Variants in ATG4C observed in about 807,000 individuals in gnomAD.
ATG4C encodes the protein autophagy related 4C cysteine peptidase.
In ATG4C, 56 loss-of-function variants were observed where a neutral mutation model predicts 57.6. The ratio of observed to expected loss-of-function variants is 0.97; its 90% CI spans 0.78 to 1.21. The LOEUF (loss-of-function observed/expected upper bound fraction) is 1.21, where lower values mean the gene tolerates loss of function less well. Among genes scored for constraint, ATG4C ranks in the 50% most tolerant of loss-of-function variants. The pLI is 0.00. For synonymous variants in ATG4C, 157 were observed against 174.1 expected, an observed-to-expected ratio of 0.90 and a Z score of 0.78; for missense variants, 595 against 529.8, an observed-to-expected ratio of 1.12 and a Z score of -1.21.
chr1:62,802,725 T>C (rs1664723109), intron 1 of ATG4C, among the ~76,000 whole-genome samples: 1 of 152,186 alleles, frequency 6.6e-6, no homozygotes, highest in Non-Finnish European at 1.5e-5. Flanking sequence ...TATAACCCTA[T>C]AGCCTCATCT....
In ATG4C at chr1:62,864,176, G is replaced by T. The variant is rs1666938184; in HGVS notation, c.*17G>T. On this transcript the variant is annotated 3_prime_UTR_variant, in exon 11 of 11. Transcript: ENST00000317868. ...TTGCTTTAAAGATTAGCACATTTGT[G>T]CTTGATAAGAAGAATTCCATTGAAA... 6.3e-7 allele frequency: 1 copy of T among 1,576,460 alleles called. No individual in the cohort carries two copies.
At chr1:62,859,162 A>G in intron 10 of ATG4C, among the ~76,000 whole-genome samples, 1 of 152,206 alleles carries the variant, frequency 6.6e-6, no homozygotes, top group East Asian at 1.9e-4. Context: ...ATATGATACT[A>G]AAAGGAAATG....
At chr1:62,823,371 A>G (rs1665546098) in intron 6 of ATG4C, among the ~76,000 whole-genome samples, 1 of 152,186 alleles carries the variant, frequency 6.6e-6, no homozygotes, top group South Asian at 2.1e-4. Context: ...AGTAGAACCC[A>G]TTTATTCTTG....
At chr1:62,855,358 C>A (rs1666651356) in intron 10 of ATG4C, among the ~76,000 whole-genome samples, 1 of 151,954 alleles carries the variant, frequency 6.6e-6, no homozygotes, top group Admixed American at 6.6e-5. Flanking sequence ...CCCTTTTATT[C>A]TTATTTTTTT....
intron 7 of ATG4C, among the ~76,000 whole-genome samples, chr1:62,829,981 A>C (rs1462558620): frequency 6.6e-6 from 1 of 152,092 alleles, no homozygotes; most frequent in Non-Finnish European, 1.5e-5. Context: ...TATGATTAAT[A>C]ACTATTTGTT....
chr1:62,857,283 C>T (rs866332080), intron 10 of ATG4C, among the ~76,000 whole-genome samples: 6 of 152,098 alleles, frequency 3.9e-5, no homozygotes, highest in Admixed American at 6.5e-5. Flanking sequence ...GTCAGATCAG[C>T]GGTGGCATTA....
intron 10 of ATG4C, among the ~76,000 whole-genome samples, chr1:62,846,697 A>G (rs1020902143): frequency 1.3e-5 from 2 of 152,092 alleles, no homozygotes; most frequent in Non-Finnish European, 2.9e-5. Context: ...CTCACATCTC[A>G]TAACAACTTA....
chr1:62,789,120 A>G (rs944167101), intron 1 of ATG4C, among the ~76,000 whole-genome samples: 3 of 152,190 alleles, frequency 2.0e-5, no homozygotes, highest in Admixed American at 6.5e-5. Flanking sequence ...TTTAGTAGCC[A>G]TTGATAAAAG....
chr1:62,829,262 A>G, intron 7 of ATG4C, 86 bp downstream of exon 7: 1 of 1,423,840 alleles, frequency 7.0e-7, no homozygotes, highest in South Asian at 1.2e-5. Flanking sequence ...CTGTTAAATG[A>G]GTAGTGATGA....
chr1:62,837,275 G>A (rs1030621417), intron 9 of ATG4C, among the ~76,000 whole-genome samples: 1 of 152,112 alleles, frequency 6.6e-6, no homozygotes, highest in Non-Finnish European at 1.5e-5. Flanking sequence ...ACATTGTGAA[G>A]TGAACATCAG....
At chr1:62,854,992 T>G (rs1666640491) in intron 10 of ATG4C, among the ~76,000 whole-genome samples, 1 of 151,800 alleles carries the variant, frequency 6.6e-6, no homozygotes, top group South Asian at 2.1e-4. Context: ...TGTACTGGAG[T>G]TCATATCATT....
At chr1:62,820,444 A>C (rs1665445544) in intron 5 of ATG4C, among the ~76,000 whole-genome samples, 1 of 152,098 alleles carries the variant, frequency 6.6e-6, no homozygotes, top group Non-Finnish European at 1.5e-5. Flanking sequence ...TTTCTTCTAC[A>C]CTAACACATA....
chr1:62,854,372 G>A (rs1447962732), intron 10 of ATG4C, among the ~76,000 whole-genome samples: 3 of 149,872 alleles, frequency 2.0e-5, no homozygotes, highest in Non-Finnish European at 4.4e-5. Context: ...TCCGCCTCCC[G>A]GTTCATGCCA....
intron 5 of ATG4C, among the ~76,000 whole-genome samples, chr1:62,820,024 C>T (rs1665431323): frequency 6.6e-6 from 1 of 151,932 alleles, no homozygotes; most frequent in Non-Finnish European, 1.5e-5. Context: ...TAAATTTACT[C>T]CATTTAAAAT....
At chr1:62,814,859 G>GT (rs1355280176) in intron 3 of ATG4C, among the ~76,000 whole-genome samples, 1 of 152,146 alleles carries the variant, frequency 6.6e-6, no homozygotes, top group Non-Finnish European at 1.5e-5. Context: ...GAGGCCGGGT[G>GT]TTTGAGAACA....
intron 1 of ATG4C, among the ~76,000 whole-genome samples, chr1:62,796,048 A>G (rs921622816): frequency 6.6e-6 from 1 of 152,128 alleles, no homozygotes; most frequent in Non-Finnish European, 1.5e-5. Flanking sequence ...TAACTGCTAC[A>G]GGGATTGAAA....
At chr1:62,811,234 TTC>T (rs983113146) in intron 3 of ATG4C, among the ~76,000 whole-genome samples, 6 of 152,242 alleles carry the variant, frequency 3.9e-5, no homozygotes, top group Admixed American at 6.5e-5. Flanking sequence ...TTAAACTTGG[TTC>T]TGTCTCTATT....
intron 4 of ATG4C, 70 bp from the exon 5 acceptor site, chr1:62,818,935 A>G (rs1665379239): frequency 1.6e-6 from 2 of 1,251,990 alleles, no homozygotes; most frequent in East Asian, 4.8e-5. Context: ...AATGCTACGT[A>G]TTTATTTTAG....
chr1:62,821,427 T>G (rs1042797849), intron 6 of ATG4C, among the ~76,000 whole-genome samples: 2 of 152,064 alleles, frequency 1.3e-5, no homozygotes, highest in African/African-American at 4.8e-5. Flanking sequence ...CTCAAAGAAT[T>G]TCAGCATTTC....
Sources: allele counts gnomAD v4.1 joint callset (sites outside exome capture counted in the v4.1 genomes callset), GRCh38; gene constraint gnomAD v4.1.1; transcripts MANE v1.5; gene names NCBI Gene and HGNC (gene_info 2026-07-23, HGNC 2026-07-21).